The following CCDC102B variants were observed in gnomAD, a reference collection of about 807,000 sequenced individuals.
CCDC102B encodes coiled-coil domain-containing protein 102B.
Under a neutral mutation model 57.4 loss-of-function variants are expected in CCDC102B, and 75 were observed. The observed-to-expected ratio is 1.31, with a 90% confidence interval of 1.08 to 1.58. CCDC102B has a LOEUF of 1.58. Ranked by LOEUF, CCDC102B falls within the 40% of genes most tolerant of loss-of-function variation. The pLI is 0.00. For synonymous variants in CCDC102B, 206 were observed against 201.9 expected (o/e 1.02, Z -0.17); for missense variants, 636 against 582.6 (o/e 1.09, Z -0.94).
At chr18:68,904,662 A>G (rs901350552) in intron 6 of CCDC102B, among the ~76,000 whole-genome samples, 9 of 152,284 alleles carry the variant, frequency 5.9e-5, no homozygotes, top group Non-Finnish European at 1.2e-4. Context: ...ATGTAATATG[A>G]TTGCTCATGC....
At chr18:68,923,352 T>C (rs1348838765) in intron 6 of CCDC102B, among the ~76,000 whole-genome samples, 1 of 151,960 alleles carries the variant, frequency 6.6e-6, no homozygotes, top group African/African-American at 2.4e-5. Context: ...TGTATATATG[T>C]ATTTTTATAT....
At chr18:68,882,830 C>T (rs959630400) in intron 5 of CCDC102B, among the ~76,000 whole-genome samples, 1 of 152,082 alleles carries the variant, frequency 6.6e-6, no homozygotes, top group Non-Finnish European at 1.5e-5. Context: ...AGATCATGTC[C>T]TTTGCAGGGA....
intron 6 of CCDC102B, among the ~76,000 whole-genome samples, chr18:68,988,481 C>T (rs1051864165): frequency 6.6e-6 from 1 of 151,146 alleles, no homozygotes; most frequent in Non-Finnish European, 1.5e-5. Flanking sequence ...GACCCCAAAC[C>T]TCAGCATTAT....
At chr18:68,903,233 AG>A (rs1256008655) in intron 6 of CCDC102B, among the ~76,000 whole-genome samples, 2 of 152,204 alleles carry the variant, frequency 1.3e-5, no homozygotes, top group Non-Finnish European at 2.9e-5. Context: ...AAATCAAAAA[AG>A]AACTTTAGAT....
In CCDC102B at chr18:68,939,256, C is replaced by G. The variant is rs533830725; in HGVS notation, c.1263+41828C>G. On this transcript the variant is annotated intron_variant, in intron 6 of 7. Coordinates refer to ENST00000360242, the MANE Select transcript of CCDC102B (RefSeq NM_024781.3). ...AATGTTCTCCCTACCAAATGTTTTG[C>G]CTTTCCTTATTCTGATATCAGGGGC... is the stretch of plus-strand genomic sequence containing the variant. Among the ~76,000 whole-genome samples, 3 of 151,728 alleles carry G rather than the reference C, an allele frequency of 2.0e-5. No individual in the cohort carries two copies. In the South Asian group the frequency reaches 6.2e-4, roughly 32 times the overall value.
chr18:68,834,432 C>CATACATATATAT (rs1555709622), intron 1 of CCDC102B, among the ~76,000 whole-genome samples: 1 of 137,714 alleles, frequency 7.3e-6, no homozygotes, highest in Non-Finnish European at 1.6e-5. Flanking sequence ...TATGTAAATA[C>CATACATATATAT]ATATATATAT....
At chr18:68,921,219 C>G (rs529506591) in intron 6 of CCDC102B, among the ~76,000 whole-genome samples, 3 of 152,262 alleles carry the variant, frequency 2.0e-5, no homozygotes, top group Middle Eastern at 3.4e-3. Context: ...TGAATTCCCA[C>G]GTGTGGTGGG....
intron 6 of CCDC102B, among the ~76,000 whole-genome samples, chr18:68,950,007 G>A (rs1452846550): frequency 6.6e-6 from 1 of 151,990 alleles, no homozygotes; most frequent in Non-Finnish European, 1.5e-5. Context: ...AAAATATTTA[G>A]ATTTTTCTAT....
chr18:68,828,340 A>AAC (rs1459330644), intron 1 of CCDC102B, among the ~76,000 whole-genome samples: 1 of 150,596 alleles, frequency 6.6e-6, no homozygotes, highest in Non-Finnish European at 1.5e-5. Flanking sequence ...AAAAAAAAAA[A>AAC]AAAAAAACCT....
Position 68,790,661 on chromosome 18 carries a change from T to G in CCDC102B, c.-66-32705T>G, listed in dbSNP as rs188383134. Among the ~76,000 whole-genome samples the G allele has an allele frequency of 7.4e-3, 1,126 of 152,320 alleles. 12 individuals are homozygous for G. Among genetic ancestry groups the G allele is most frequent in the African/African-American group, 0.026 (1,063 of 41,572 alleles). On this transcript the variant is annotated intron_variant, in intron 2 of 3. Transcript: ENST00000578970. ...TCCCTGACCCCTTGCGCTTCCCAAG[T>G]GAGGCAATGCCTCGCCCTGCTTCGG...
intron 6 of CCDC102B, among the ~76,000 whole-genome samples, chr18:68,899,519 C>A (rs1031033761): frequency 5.9e-5 from 9 of 151,782 alleles, no homozygotes; most frequent in Non-Finnish European, 1.0e-4. Context: ...AAAGAAGGTG[C>A]TAGCATGTAA....
At chr18:68,856,745 AATAT>A (rs1348903120) in intron 4 of CCDC102B, among the ~76,000 whole-genome samples, 1 of 151,998 alleles carries the variant, frequency 6.6e-6, no homozygotes, top group African/African-American at 2.4e-5. Flanking sequence ...ATCACTTTCA[AATAT>A]ATATCTTGAA....
intron 7 of CCDC102B, among the ~76,000 whole-genome samples, chr18:69,037,001 G>A (rs201261664): frequency 4.0e-5 from 6 of 151,562 alleles, no homozygotes; most frequent in African/African-American, 1.2e-4. Context: ...TTGTGTATGT[G>A]TATATATATG....
At position 68,837,082 on chromosome 18, in the gene CCDC102B, A is replaced by C; in HGVS notation, c.319A>C (p.Ser107Arg). The C allele has an allele frequency of 6.2e-7, 1 of 1,614,184 alleles. No homozygotes were observed. The highest frequency in any genetic ancestry group is 8.5e-7 in the Non-Finnish European group (1 of 1,180,018). The change falls in exon 2 of 8, where the codon AGT becomes CGT. Residue 107 changes from serine to arginine, a missense_variant. By Grantham distance (110) the Ser-to-Arg change is moderately radical (BLOSUM62 -1). Coordinates refer to ENST00000360242, the MANE Select transcript of CCDC102B (RefSeq NM_024781.3). ...DCTANWREKW[S>R]KVRAERNSAR... ...CACTGCCAACTGGAGAGAAAAATGGAGTAAAGTTCGAGCTGAAAGGAACAG... is the reference window on the plus strand; with the variant it reads ...CACTGCCAACTGGAGAGAAAAATGGCGTAAAGTTCGAGCTGAAAGGAACAG...
chr18:68,845,556 T>C (rs2144814974), intron 3 of CCDC102B, among the ~76,000 whole-genome samples: 1 of 151,952 alleles, frequency 6.6e-6, no homozygotes, highest in African/African-American at 2.4e-5. Flanking sequence ...ATGAGTATTT[T>C]TGAATAGTAA....
chr18:69,003,703 A>G (rs1389890841), intron 6 of CCDC102B, among the ~76,000 whole-genome samples: 1 of 152,234 alleles, frequency 6.6e-6, no homozygotes, highest in African/African-American at 2.4e-5. Flanking sequence ...AGCAATGTAC[A>G]TATATATCAC....
intron 2 of CCDC102B, among the ~76,000 whole-genome samples, chr18:68,788,717 G>A (rs2035309757): frequency 1.3e-5 from 2 of 149,698 alleles, no homozygotes; most frequent in Non-Finnish European, 3.0e-5. Flanking sequence ...TTGAGCCTAT[G>A]TGTGTCTCTG....
intron 1 of CCDC102B, among the ~76,000 whole-genome samples, chr18:68,829,068 T>C (rs1167242438): frequency 6.6e-6 from 1 of 151,980 alleles, no homozygotes; most frequent in Non-Finnish European, 1.5e-5. Context: ...ACATGTTCGC[T>C]ACAACATTTG....
At chr18:69,032,945 A>G (rs1462090453) in intron 7 of CCDC102B, among the ~76,000 whole-genome samples, 1 of 152,186 alleles carries the variant, frequency 6.6e-6, no homozygotes, top group Non-Finnish European at 1.5e-5. Context: ...TGTTTTATAT[A>G]TGCATAACAA....
Sources: gnomAD v4.1 joint callset for allele counts (sites outside exome capture counted in the v4.1 genomes callset) on GRCh38, gnomAD v4.1.1 for gene constraint, MANE v1.5 for transcripts, NCBI Gene and HGNC (gene_info 2026-07-23, HGNC 2026-07-21) for gene names.